Variants in CRPPA observed in about 807,000 individuals in gnomAD.
CRPPA encodes the protein CDP-L-ribitol pyrophosphorylase A.
CRPPA carries 43 observed loss-of-function variants against 52.0 expected under a neutral mutation model. The ratio of observed to expected loss-of-function variants is 0.83; its 90% CI spans 0.65 to 1.07. The LOEUF (loss-of-function observed/expected upper bound fraction) is 1.07. CRPPA is among the 50% of genes least tolerant of loss of function. The probability of loss-of-function intolerance (pLI) is 0.00; values close to 1 mark genes in which losing one functional copy is unlikely to be tolerated. For synonymous variants in CRPPA, 250 were observed against 203.5 expected (o/e 1.23, Z -1.94); for missense variants, 629 against 551.7 (o/e 1.14, Z -1.40).
intron 8 of CRPPA, among the ~76,000 whole-genome samples, chr7:16,258,101 A>T (rs1378664930): frequency 6.6e-6 from 1 of 152,094 alleles, no homozygotes; most frequent in African/African-American, 2.4e-5. Context: ...CCAAACAACC[A>T]GTTGACTTAA....
At chr7:16,396,601 G>A (rs909847584) in intron 2 of CRPPA, among the ~76,000 whole-genome samples, 1 of 152,194 alleles carries the variant, frequency 6.6e-6, no homozygotes, top group African/African-American at 2.4e-5. Context: ...AGAAGTCATT[G>A]TACGAAAAAG....
chr7:16,137,894 C>T (rs188777560), intron 9 of CRPPA, among the ~76,000 whole-genome samples: 91 of 152,184 alleles, frequency 6.0e-4, no homozygotes, highest in Admixed American at 4.5e-3. Flanking sequence ...ACAATAAATG[C>T]TTGTAATTAT....
intron 8 of CRPPA, among the ~76,000 whole-genome samples, chr7:16,248,900 C>T (rs1325548264): frequency 6.6e-6 from 1 of 152,070 alleles, no homozygotes; most frequent in East Asian, 1.9e-4. Flanking sequence ...ACTGGCAGAC[C>T]CAGAGATTCC....
chr7:16,198,157 G>A (rs1781777400), intron 9 of CRPPA, among the ~76,000 whole-genome samples: 2 of 45,548 alleles, frequency 4.4e-5, no homozygotes, highest in Admixed American at 5.3e-4. Flanking sequence ...TCTGTGCTGA[G>A]GAGGATTAGT....
intron 2 of CRPPA, among the ~76,000 whole-genome samples, chr7:16,386,992 C>T (rs1397331703): frequency 6.8e-6 from 1 of 146,018 alleles, no homozygotes. Flanking sequence ...TACACTCCAG[C>T]CTGGGCGATA....
chr7:16,297,493 C>T lies in CRPPA; in HGVS notation c.835+3928G>A, dbSNP rs545223701. Among the ~76,000 whole-genome samples, 125 of 152,228 alleles carry T rather than the reference C, an allele frequency of 8.2e-4. 1 individual carries two copies. The South Asian group carries it at 1.0e-2, about 12-fold the overall frequency. On this transcript the variant is annotated intron_variant, in intron 5 of 9. Coordinates refer to ENST00000407010, the MANE Select transcript of CRPPA (RefSeq NM_001101426.4). The stretch of plus-strand genomic sequence containing the variant: ...AGATTCTAGGGAAAAACTGCAGCTG[C>T]ATCTGTTAGCCTATTATGCAATTCA...
In CRPPA at chr7:16,089,498, C is replaced by CGTACATATATACGGGTATATATGTAA; in HGVS notation, c.*2196_*2197insTTACATATATACCCGTATATATGTAC. The CGTACATATATACGGGTATATATGTAA allele has an allele frequency of 3.5e-6, 1 of 284,232 alleles. No homozygotes were observed. The highest frequency in any genetic ancestry group is 7.7e-6 in the Non-Finnish European group (1 of 130,520). 17.6% of individuals were successfully genotyped at this position (284,232 alleles called of 1,614,324 possible). ...GTACATATATACGGGTATATATGTACGTACATACATAGATATGGGTATATA... is the reference window on the plus strand; with the variant it reads ...GTACATATATACGGGTATATATGTACGTACATATATACGGGTATATATGTAAGTACATACATAGATATGGGTATATA... On this transcript the variant is annotated 3_prime_UTR_variant, in exon 10 of 10. Coordinates refer to ENST00000407010, the MANE Select transcript of CRPPA (RefSeq NM_001101426.4).
chr7:16,301,127 T>C (rs1037038791), intron 5 of CRPPA, among the ~76,000 whole-genome samples: 5 of 152,210 alleles, frequency 3.3e-5, no homozygotes, highest in Non-Finnish European at 5.9e-5. Context: ...CTTTACAAAA[T>C]TATTAAAATC....
intron 2 of CRPPA, among the ~76,000 whole-genome samples, chr7:16,400,741 C>T (rs529085098): frequency 5.3e-5 from 8 of 152,310 alleles, no homozygotes; most frequent in South Asian, 2.1e-4. Flanking sequence ...ACACCTGTGA[C>T]GTGGCACATG....
chr7:16,166,122 T>C (rs569666286), intron 9 of CRPPA, among the ~76,000 whole-genome samples: 1 of 152,350 alleles, frequency 6.6e-6, no homozygotes, highest in South Asian at 2.1e-4. Context: ...AGGGTTTTTT[T>C]CCAGCAGACT....
chr7:16,372,259 C>T (rs887697026), intron 3 of CRPPA, among the ~76,000 whole-genome samples: 1 of 152,096 alleles, frequency 6.6e-6, no homozygotes, highest in African/African-American at 2.4e-5. Flanking sequence ...GGCTATCTAA[C>T]GTCAAGACAA....
chr7:16,152,627 G>A (rs576823923), intron 9 of CRPPA, among the ~76,000 whole-genome samples: 16 of 151,852 alleles, frequency 1.1e-4, no homozygotes, highest in Non-Finnish European at 2.2e-4. Context: ...TACTTTAATC[G>A]CTGTTTTTCT....
chr7:16,220,980 T>C (rs1364626120), intron 8 of CRPPA, among the ~76,000 whole-genome samples: 1 of 151,978 alleles, frequency 6.6e-6, no homozygotes, highest in African/African-American at 2.4e-5. Context: ...AGAGCCCGCA[T>C]CACCAAGGCA....
At chr7:16,302,908 G>A (rs934471437) in intron 4 of CRPPA, among the ~76,000 whole-genome samples, 11 of 151,978 alleles carry the variant, frequency 7.2e-5, no homozygotes, top group South Asian at 6.2e-4. Context: ...CTAACAGAAC[G>A]AAAGGAACTT....
chr7:16,154,716 T>C (rs1783140154), intron 9 of CRPPA, among the ~76,000 whole-genome samples: 1 of 152,086 alleles, frequency 6.6e-6, no homozygotes, highest in South Asian at 2.1e-4. Context: ...CCAATAGTTA[T>C]CCTTGATTAA....
chr7:16,125,485 A>C (rs1161409473), intron 9 of CRPPA, among the ~76,000 whole-genome samples: 1 of 152,130 alleles, frequency 6.6e-6, no homozygotes, highest in East Asian at 1.9e-4. Context: ...TTAGAAGCTG[A>C]CTAAAAATAA....
intron 6 of CRPPA, among the ~76,000 whole-genome samples, chr7:16,261,679 G>A (rs375097277): frequency 1.3e-5 from 2 of 151,846 alleles, no homozygotes; most frequent in East Asian, 3.9e-4. Context: ...TAAAAATTTG[G>A]TTCATACTTT....
rs188373241 is a variant in CRPPA at position 16,311,026 on chromosome 7, T to C, written c.685-2399A>G. 6.2e-3 allele frequency among the ~76,000 whole-genome samples: 949 copies of C among 152,286 alleles called. 7 individuals carry two copies. Among genetic ancestry groups the C allele is most frequent in the Admixed American group, 9.5e-3 (146 of 15,296 alleles). On this transcript the variant is annotated intron_variant, in intron 3 of 9. Transcript: ENST00000407010. ...GCATTGTTTTCTTTCCTACACTTTT[T>C]AAGACTTTAAATATTAGGTTCATAG... is the stretch of plus-strand genomic sequence containing the variant.
chr7:16,228,750 A>G (rs1006155155), intron 8 of CRPPA, among the ~76,000 whole-genome samples: 1 of 151,996 alleles, frequency 6.6e-6, no homozygotes, highest in Non-Finnish European at 1.5e-5. Flanking sequence ...GCAGTTGAGA[A>G]GAGTGTGTAC....
Sources: allele counts gnomAD v4.1 joint callset (sites outside exome capture counted in the v4.1 genomes callset), GRCh38; gene constraint gnomAD v4.1.1; transcripts MANE v1.5; gene names NCBI Gene and HGNC (gene_info 2026-07-23, HGNC 2026-07-21).